The following MBD4 variants were observed in gnomAD, a reference collection of about 807,000 sequenced individuals.
MBD4 encodes methyl-CpG binding domain 4, DNA glycosylase, also known as methyl-CpG-binding domain protein 4.
MBD4 carries 53 observed loss-of-function variants against 60.2 expected under a neutral mutation model. That is an observed-to-expected ratio of 0.88 (90% confidence interval 0.71 to 1.11). MBD4 has a LOEUF of 1.11. Among genes scored for constraint, MBD4 ranks in the 50% least tolerant of loss-of-function variants. The pLI is 0.00. For synonymous variants in MBD4, 231 were observed against 229.8 expected (o/e 1.01, Z -0.05); for missense variants, 619 against 674.0 (o/e 0.92, Z 0.90).
intron 2 of MBD4, 38 bp downstream of exon 2, chr3:129,437,682 C>A: frequency 1.4e-6 from 2 of 1,431,226 alleles, no homozygotes; most frequent in South Asian, 2.3e-5. Flanking sequence ...CAGACAAAAT[C>A]ATTTGGCTGT....
At position 129,437,056 on chromosome 3, in the gene MBD4, T is replaced by C. The variant is rs759504796; in HGVS notation, c.588A>G (p.Ser196=). The part of the protein sequence containing the change: ...KDVFMPPSSS[S]ELQESRGLSN... ...AGAGTCCTCTGCTCTCCTGCAACTC[T>C]GAACTACTACTTGGCGGCATAAACA... The change falls in exon 3 of 8, where the codon TCA becomes TCG. Residue 196 remains serine (S), a synonymous_variant. Transcript: ENST00000429544. 1.2e-6 allele frequency: 2 copies of C among 1,614,220 alleles called. No homozygotes were observed. The highest frequency in any genetic ancestry group is 2.2e-5 in the South Asian group (2 of 91,080).
intron 5 of MBD4, 100 bp from the exon 6 acceptor site, chr3:129,433,347 T>A: frequency 7.3e-7 from 1 of 1,377,382 alleles, no homozygotes; most frequent in East Asian, 2.3e-5. Flanking sequence ...GGTTTTTTTT[T>A]TTAAAGAAAA....
rs138876144 is a variant in MBD4 at position 129,437,179 on chromosome 3, A to G, written c.465T>C (p.Tyr155=). Residue 155 remains tyrosine (Y), a synonymous_variant, in exon 3 of 8, where the codon TAT becomes TAC. Transcript: ENST00000429544. ...VLSKRGIKSR[Y]KDCSMAALTS... ...TCAGGGCTGCCATGCTGCAGTCTTT[A>G]TATCTTGACTTGATACCCCTTTTAG... 32 of 1,614,104 alleles carry G rather than the reference A, an allele frequency of 2.0e-5. No homozygotes were observed. The highest frequency in any genetic ancestry group is 2.5e-5 in the Non-Finnish European group (30 of 1,179,984).
intron 1 of MBD4, 149 bp downstream of exon 1, chr3:129,439,581 T>G (rs910529735): frequency 4.3e-6 from 3 of 691,224 alleles, no homozygotes; most frequent in African/African-American, 1.8e-5. Flanking sequence ...GAAGAGCACC[T>G]GGGCTCCAGA....
intron 3 of MBD4, among the ~76,000 whole-genome samples, chr3:129,435,781 CT>C (rs2072446609): frequency 6.6e-6 from 1 of 152,154 alleles, no homozygotes; most frequent in Non-Finnish European, 1.5e-5. Context: ...AAAGGTCTCC[CT>C]TTTATCTCTT....
In MBD4 at chr3:129,439,192, G is replaced by A. The variant is rs114422006; in HGVS notation, c.104+538C>T. 8.6e-3 allele frequency among the ~76,000 whole-genome samples: 1,310 copies of A among 152,228 alleles called. 14 individuals are homozygous for A. The highest frequency in any genetic ancestry group is 0.013 in the Non-Finnish European group (910 of 68,012). On this transcript the variant is annotated intron_variant, in intron 1 of 7. Transcript: ENST00000429544. ...TAAAATAATTTTGAGGAGCTGGATG[G>A]ATCTTATGAAATGATATTGTTTACA...
At chr3:129,436,351 A>G in intron 3 of MBD4, 110 bp downstream of exon 3, 1 of 1,364,278 alleles carries the variant, frequency 7.3e-7, no homozygotes, top group Non-Finnish European at 1.0e-6. Context: ...CTCTATTTTC[A>G]CATCTTAACC....
At chr3:129,432,954 A>G (rs923619744) in intron 6 of MBD4, 144 bp downstream of exon 6, 4 of 1,065,592 alleles carry the variant, frequency 3.8e-6, no homozygotes, top group Non-Finnish European at 5.5e-6. Flanking sequence ...TGGTTTGGGG[A>G]AAGTGGACTT....
rs147655908 is a variant in MBD4 at position 129,438,974 on chromosome 3, A to G, written c.104+756T>C. On this transcript the variant is annotated intron_variant, in intron 1 of 7. Transcript: ENST00000429544. ...AAACTAAAACTTCATTAAAGTTCCA[A>G]TGTGTCTTCTATGATGAAAACATAC... Among the ~76,000 whole-genome samples the G allele has an allele frequency of 1.7e-3, 259 of 152,238 alleles. 1 individual carries two copies. The highest frequency in any genetic ancestry group is 5.7e-3 in the African/African-American group (238 of 41,554).
chr3:129,433,068 T>C (rs368432250), intron 6 of MBD4, 30 bp downstream of exon 6: 20 of 1,612,334 alleles, frequency 1.2e-5, no homozygotes, highest in East Asian at 2.2e-5. Flanking sequence ...CAATGTATTA[T>C]GTTTTTCCTT....
chr3:129,436,295 A>G, intron 3 of MBD4, 166 bp downstream of exon 3: 4 of 763,608 alleles, frequency 5.2e-6, no homozygotes, highest in Non-Finnish European at 8.3e-6. Flanking sequence ...GTTTAAGATA[A>G]AGTATTAGGA....
Position 129,432,621 on chromosome 3 carries a change from A to T in MBD4, c.1544-15T>A. ...CAGGTATTCATCTGAAGAATACAAC[A>T]TCCCACATTATCAGGTCAGCTTCTA... On this transcript the variant is annotated splice_polypyrimidine_tract_variant and intron_variant, in intron 6 of 7. Coordinates refer to ENST00000429544, the MANE Select transcript of MBD4 (RefSeq NM_001276270.2). 1 of 1,612,994 alleles carries T rather than the reference A, an allele frequency of 6.2e-7. No homozygotes were observed. Among genetic ancestry groups the T allele is most frequent in the Non-Finnish European group, 8.5e-7 (1 of 1,178,966 alleles).
chr3:129,432,444 T>C (rs760114692), intron 7 of MBD4, 59 bp downstream of exon 7: 3 of 1,613,876 alleles, frequency 1.9e-6, no homozygotes, highest in South Asian at 2.2e-5. Flanking sequence ...ACCATAATGG[T>C]GGACTTATTT....
In MBD4 at chr3:129,436,629, C is replaced by G; in HGVS notation, c.1015G>C (p.Ala339Pro). 1 of 1,614,116 alleles carries G rather than the reference C, an allele frequency of 6.2e-7. No individual in the cohort carries two copies. Residue 339 changes from alanine to proline, a missense_variant, in exon 3 of 8, where the codon GCC (alanine) becomes CCC (proline). Transcript: ENST00000429544. Reference protein sequence around the residue: ...TSGIINKFCSAKDSEHNEKYE... With the variant: ...TSGIINKFCSPKDSEHNEKYE... Reference sequence around the variant, plus strand: ...TTCTCGTTGTGTTCTGAGTCTTTGGCTGAACAAAATTTGTTTATGATGCCA... The same window carrying G: ...TTCTCGTTGTGTTCTGAGTCTTTGGGTGAACAAAATTTGTTTATGATGCCA...
At position 129,433,944 on chromosome 3, in the gene MBD4, T is replaced by C. The variant is rs535692976; in HGVS notation, c.1299A>G (p.Thr433=). The C allele has an allele frequency of 2.5e-6, 4 of 1,614,050 alleles. No individual in the cohort carries two copies. In the East Asian group the frequency reaches 8.9e-5, roughly 36 times the overall value. The change falls in exon 5 of 8, where the codon ACA becomes ACG. Residue 433 remains threonine, a synonymous_variant. Transcript: ENST00000429544. ...PPRRKAFKKW[T]PPRSPFNLVQ... ...CGAGATTAAAAGGTGACCGAGGAGG[T>C]GTCCATTTCTTAAAGGCTTTACGTC... is the stretch of plus-strand genomic sequence containing the variant.
chr3:129,433,597 G>A (rs1451768880), intron 5 of MBD4: 8 of 587,092 alleles, frequency 1.4e-5, no homozygotes, highest in Non-Finnish European at 2.1e-5. Flanking sequence ...GTGGAGAAAC[G>A]TTAACTGATT....
At position 129,436,467 on chromosome 3, in the gene MBD4, A is replaced by G; in HGVS notation, c.1177T>C (p.Phe393Leu). ...DNNCSPTRKD[F>L]TEDTIPRTQI... ...CCTTGAAATATTTTCTCACCAGTGAAGTCTTTCCTGGTTGGTGAGCAGTTG... is the reference window on the plus strand; with the variant it reads ...CCTTGAAATATTTTCTCACCAGTGAGGTCTTTCCTGGTTGGTGAGCAGTTG... Residue 393 changes from phenylalanine to leucine, a missense_variant, in exon 3 of 8, where the codon TTC (phenylalanine) becomes CTC (leucine). Coordinates refer to ENST00000429544, the MANE Select transcript of MBD4 (RefSeq NM_001276270.2). 2 of 1,614,050 alleles carry G rather than the reference A, an allele frequency of 1.2e-6. No individual in the cohort carries two copies. The highest frequency in any genetic ancestry group is 2.7e-5 in the African/African-American group (2 of 75,042).
chr3:129,437,856 C>A lies in MBD4; in HGVS notation c.199G>T (p.Glu67Ter). ...CCAAACTGAGCAGAAGCGATGGGTT[C>A]TTGTAGCAAGGGATTACATTCACTG... ...RSSECNPLLQEPIASAQFGAT... is the reference protein window; with the variant it reads ...RSSECNPLLQ Residue 67 changes from glutamate to a stop codon, truncating the protein, a stop_gained, in exon 2 of 8, where the codon GAA becomes TAA. Transcript: ENST00000429544. LOFTEE classifies it high-confidence loss of function. 6.2e-7 allele frequency: 1 copy of A among 1,614,046 alleles called. No individual in the cohort carries two copies. Among genetic ancestry groups the A allele is most frequent in the Non-Finnish European group, 8.5e-7 (1 of 1,179,882 alleles).
In MBD4 at chr3:129,434,075, T is replaced by G; in HGVS notation, c.1245A>C (p.Lys415Asn). 1 of 1,614,168 alleles carries G rather than the reference T, an allele frequency of 6.2e-7. No homozygotes were observed. The highest frequency in any genetic ancestry group is 8.5e-7 in the Non-Finnish European group (1 of 1,180,006). The change falls in exon 4 of 8, where the codon AAA becomes AAC. Residue 415 changes from lysine (K) to asparagine (N), a missense_variant. Physicochemically the swap from Lys to Asn is moderately conservative, Grantham distance 94. Coordinates refer to ENST00000429544, the MANE Select transcript of MBD4 (RefSeq NM_001276270.2). ...GGAAAGGGATACCTTCTTTGTTATA[T>G]TTGCTGGAAAAATACAGGCTTGTTT... Reference protein sequence around the residue: ...RRKTSLYFSSKYNKEALSPPR... With the variant: ...RRKTSLYFSSNYNKEALSPPR...
Sources: gnomAD v4.1 joint callset for allele counts (sites outside exome capture counted in the v4.1 genomes callset) on GRCh38, gnomAD v4.1.1 for gene constraint, MANE v1.5 for transcripts, NCBI Gene and HGNC (gene_info 2026-07-23, HGNC 2026-07-21) for gene names.